N4BP2L2: variants seen among roughly 807,000 people sequenced by gnomAD.
N4BP2L2 encodes NEDD4 binding protein 2 like 2, also known as NEDD4-binding protein 2-like 2.
Under a neutral mutation model 56.2 loss-of-function variants are expected in N4BP2L2, and 50 were observed. That is an observed-to-expected ratio of 0.89 (90% CI 0.71 to 1.13). The LOEUF (loss-of-function observed/expected upper bound fraction) is 1.13. Ranked by LOEUF, N4BP2L2 falls within the 50% of genes most tolerant of loss-of-function variation. The pLI, the probability that N4BP2L2 is intolerant of heterozygous loss-of-function variation, is 0.00. For synonymous variants in N4BP2L2, 203 were observed against 223.6 expected (o/e 0.91, Z 0.82); for missense variants, 689 against 693.8 (o/e 0.99, Z 0.08).
At chr13:32,501,557 G>T (rs565508282) in intron 6 of N4BP2L2, among the ~76,000 whole-genome samples, 44 of 152,228 alleles carry the variant, frequency 2.9e-4, no homozygotes, top group African/African-American at 1.0e-3. Flanking sequence ...GCTCACGCCT[G>T]TAATCCCAGC....
chr13:32,453,622 G>A (rs997777632), intron 6 of N4BP2L2, among the ~76,000 whole-genome samples: 1 of 152,160 alleles, frequency 6.6e-6, no homozygotes, highest in East Asian at 1.9e-4. Context: ...AAGTAGCTGG[G>A]ACTATAGACA....
At chr13:32,436,852 T>A (rs2075571118) in intron 8 of N4BP2L2, among the ~76,000 whole-genome samples, 1 of 120,594 alleles carries the variant, frequency 8.3e-6, no homozygotes, top group Admixed American at 9.0e-5. Context: ...CCTATAAATA[T>A]CTAATATCTA....
intron 2 of N4BP2L2, among the ~76,000 whole-genome samples, chr13:32,532,439 G>A (rs2140276739): frequency 6.6e-6 from 1 of 152,080 alleles, no homozygotes; most frequent in Non-Finnish European, 1.5e-5. Context: ...AATGATTTAA[G>A]ATAGGGGCTT....
chr13:32,508,005 G>A (rs1316160505), downstream of N4BP2L2: 1 of 152,096 alleles, frequency 6.6e-6, no homozygotes, highest in Non-Finnish European at 1.5e-5. Context: ...GGCAGCAAAG[G>A]AGACAGAAAT....
chr13:32,447,284 C>T (rs1841665579), intron 6 of N4BP2L2, among the ~76,000 whole-genome samples: 1 of 152,086 alleles, frequency 6.6e-6, no homozygotes, highest in African/African-American at 2.4e-5. Flanking sequence ...TACTGTGGAG[C>T]AGGATCTCTC....
At chr13:32,443,633 T>C in exon 7 of N4BP2L2, 2 of 1,611,450 alleles carry the variant, frequency 1.2e-6, no homozygotes, top group Non-Finnish European at 1.7e-6. Context: ...ATGGTATGCC[T>C]ATTTCTAATA....
chr13:32,475,752 A>G (rs1933704178), intron 6 of N4BP2L2, among the ~76,000 whole-genome samples: 1 of 152,188 alleles, frequency 6.6e-6, no homozygotes, highest in Admixed American at 6.5e-5. Context: ...TTAAAAAGGA[A>G]AGCCTTACCG....
intron 1 of N4BP2L2, among the ~76,000 whole-genome samples, chr13:32,537,383 C>A: frequency 6.6e-6 from 1 of 151,992 alleles, no homozygotes; most frequent in East Asian, 1.9e-4. Flanking sequence ...GATATAGATA[C>A]ACAATTGTGT....
Position 32,443,393 on chromosome 13 carries a change from G to A in N4BP2L2, c.1099C>T (p.Gln367Ter). ...GCAGGCCAGCTACCAAAATAGGGCT[G>A]TCTGTCAGAGCCCAGCTGTAAATCT... Residue 367 changes from glutamine to a stop codon, truncating the protein, a stop_gained, in exon 7 of 10, where the codon CAG becomes TAG. Coordinates refer to the N4BP2L2 transcript ENST00000357505. LOFTEE classifies it high-confidence loss of function. The A allele has an allele frequency of 1.2e-6, 2 of 1,613,958 alleles. No homozygotes were observed. Among genetic ancestry groups the A allele is most frequent in the South Asian group, 2.2e-5 (2 of 91,072 alleles).
At chr13:32,437,597 GA>G (rs1346923236) in intron 8 of N4BP2L2, among the ~76,000 whole-genome samples, 1 of 152,268 alleles carries the variant, frequency 6.6e-6, no homozygotes, top group African/African-American at 2.4e-5. Flanking sequence ...CAGCTACCTG[GA>G]AAATGAACAG....
intron 3 of N4BP2L2, chr13:32,524,373 G>A (rs909793349): frequency 2.0e-5 from 3 of 152,182 alleles, no homozygotes; most frequent in African/African-American, 7.2e-5. Flanking sequence ...CTGATTTTAC[G>A]AATGGGGAGA....
rs997727780 is a variant in N4BP2L2, at chr13:32,465,494, T to C, written c.366-21368A>G. On this transcript the variant is annotated intron_variant, in intron 6 of 9. Transcript: ENST00000357505. ...TTGACTGTTACTCAAAATAAGAAAT[T>C]TATTTTATAGCCTTTCTCAATACAC... 2.6e-5 allele frequency among the ~76,000 whole-genome samples: 4 copies of C among 152,202 alleles called. No homozygotes were observed. In the South Asian group the frequency reaches 8.3e-4, roughly 32 times the overall value.
chr13:32,537,043 A>G lies in N4BP2L2; in HGVS notation c.1-16T>C. The G allele has an allele frequency of 2.1e-6, 3 of 1,462,588 alleles. No individual in the cohort carries two copies. The highest frequency in any genetic ancestry group is 2.7e-6 in the Non-Finnish European group (3 of 1,096,500). 90.6% of individuals were successfully genotyped at this position (1,462,588 alleles called of 1,614,324 possible). A position where few individuals can be genotyped will look rare whatever the true frequency, so the allele number is the denominator to read the frequency against. ...CATAAGACATCTGAGAAATAAATAA[A>G]TCATACAATTACTAGCTAATATATT... On this transcript the variant is annotated splice_polypyrimidine_tract_variant and intron_variant, in intron 1 of 5. Transcript: ENST00000267068.
chr13:32,507,871 T>A (rs1216335887), downstream of N4BP2L2: 2 of 151,934 alleles, frequency 1.3e-5, no homozygotes, highest in Non-Finnish European at 2.9e-5. Context: ...AAAATAAAAG[T>A]GGGGAGACTA....
intron 6 of N4BP2L2, among the ~76,000 whole-genome samples, chr13:32,452,134 T>C (rs1386850174): frequency 6.6e-6 from 1 of 151,104 alleles, no homozygotes; most frequent in Non-Finnish European, 1.5e-5. Context: ...CAATCTTGGC[T>C]CATCACAAAC....
chr13:32,457,498 T>C (rs1050603729), intron 6 of N4BP2L2, among the ~76,000 whole-genome samples: 1 of 152,164 alleles, frequency 6.6e-6, no homozygotes, highest in East Asian at 1.9e-4. Flanking sequence ...TAGTTACATA[T>C]AAGGGAACTC....
intron 2 of N4BP2L2, among the ~76,000 whole-genome samples, chr13:32,529,265 G>A (rs923833723): frequency 3.9e-5 from 6 of 152,160 alleles, no homozygotes; most frequent in African/African-American, 1.4e-4. Flanking sequence ...CGTAATTGCA[G>A]TTTTTGCCAT....
downstream of N4BP2L2, chr13:32,505,564 A>G (rs2090804604): frequency 6.6e-6 from 1 of 152,220 alleles, no homozygotes; most frequent in Admixed American, 6.5e-5. Context: ...AGAAGAAACC[A>G]GGCCATATCT....
exon 8 of N4BP2L2, chr13:32,438,662 A>T (rs759810010): frequency 1.2e-6 from 2 of 1,602,938 alleles, no homozygotes; most frequent in East Asian, 4.5e-5. Context: ...CTCCACTGAC[A>T]TCTTCCATTG....
Sources: gnomAD v4.1 joint callset for allele counts (sites outside exome capture counted in the v4.1 genomes callset) on GRCh38, gnomAD v4.1.1 for gene constraint, MANE v1.5 for transcripts, NCBI Gene and HGNC (gene_info 2026-07-23, HGNC 2026-07-21) for gene names.